Variants in SH3BGRL2 observed in about 807,000 individuals in gnomAD.
SH3BGRL2 encodes SH3 domain-binding glutamic acid-rich-like protein 2.
SH3BGRL2 carries 21 observed loss-of-function variants against 14.8 expected under a neutral mutation model. The observed-to-expected ratio is 1.42, with a 90% CI of 1.01 to 2.05. The LOEUF is 2.05. SH3BGRL2 is among the 30% of genes most tolerant of loss of function. The probability of loss-of-function intolerance (pLI) is 0.00; values close to 1 mark genes in which losing one functional copy is unlikely to be tolerated. For missense variants in SH3BGRL2, 147 were observed against 130.8 expected (o/e 1.12, Z -0.61); for synonymous variants, 50 against 47.8 (o/e 1.05, Z -0.19).
intron 1 of SH3BGRL2, among the ~76,000 whole-genome samples, chr6:79,636,710 A>T (rs1307123073): frequency 6.6e-6 from 1 of 151,954 alleles, no homozygotes; most frequent in Non-Finnish European, 1.5e-5. Flanking sequence ...TCTTTCTCCT[A>T]GTTTCTGGTG....
the SH3BGRL2 span, chr6:79,574,648 GC>G: frequency 6.6e-6 from 1 of 152,144 alleles, no homozygotes; most frequent in East Asian, 1.9e-4. Flanking sequence ...TTTACTTAAT[GC>G]CACTGAAATG....
the SH3BGRL2 span, among the ~76,000 whole-genome samples, chr6:79,555,540 C>T: frequency 2.0e-5 from 3 of 152,184 alleles, no homozygotes; most frequent in African/African-American, 7.2e-5. Flanking sequence ...GAGGCGGAGT[C>T]TCAATCTGTC....
chr6:79,616,978 G>A, the SH3BGRL2 span, among the ~76,000 whole-genome samples: 32,157 of 152,032 alleles, frequency 0.21, 3,623 homozygotes, highest in African/African-American at 0.24. Context: ...ACCTGAGGTC[G>A]GGAGTTTGAG....
the SH3BGRL2 span, among the ~76,000 whole-genome samples, chr6:79,567,984 T>C: frequency 6.6e-6 from 1 of 152,200 alleles, no homozygotes; most frequent in Non-Finnish European, 1.5e-5. Flanking sequence ...CATAAAAAGA[T>C]GTCCAACCTC....
chr6:79,654,898 G>A (rs888791226), intron 1 of SH3BGRL2, among the ~76,000 whole-genome samples: 1 of 152,154 alleles, frequency 6.6e-6, no homozygotes, highest in African/African-American at 2.4e-5. Flanking sequence ...GAACACTGTG[G>A]CAGTTCTTCC....
intron 1 of SH3BGRL2, among the ~76,000 whole-genome samples, chr6:79,638,769 C>T (rs2127723175): frequency 1.3e-5 from 2 of 152,230 alleles, no homozygotes; most frequent in East Asian, 3.9e-4. Context: ...CTGTTTAGAT[C>T]ACTTATCCAA....
chr6:79,592,783 C>T, the SH3BGRL2 span, among the ~76,000 whole-genome samples: 10 of 152,090 alleles, frequency 6.6e-5, no homozygotes, highest in East Asian at 1.9e-4. Flanking sequence ...ACTTACCACA[C>T]GTGTATGAGG....
chr6:79,651,977 G>A (rs969474117), intron 1 of SH3BGRL2, among the ~76,000 whole-genome samples: 1 of 152,130 alleles, frequency 6.6e-6, no homozygotes, highest in African/African-American at 2.4e-5. Context: ...ACTTATAGGT[G>A]CCAGTAGTAT....
At chr6:79,658,877 T>C (rs771331770) in intron 1 of SH3BGRL2, among the ~76,000 whole-genome samples, 1 of 152,368 alleles carries the variant, frequency 6.6e-6, no homozygotes, top group East Asian at 1.9e-4. Flanking sequence ...TTGATTTGCA[T>C]TTCTCTGACG....
upstream of SH3BGRL2, among the ~76,000 whole-genome samples, chr6:79,627,770 T>C (rs1768760077): frequency 6.6e-6 from 1 of 152,184 alleles, no homozygotes; most frequent in African/African-American, 2.4e-5. Flanking sequence ...CTCCTTCTTG[T>C]CTCTTTCCAT....
the SH3BGRL2 span, among the ~76,000 whole-genome samples, chr6:79,560,125 C>T: frequency 6.6e-6 from 1 of 152,110 alleles, no homozygotes; most frequent in East Asian, 1.9e-4. Flanking sequence ...ATACACCATT[C>T]TGGGAAACTG....
chr6:79,571,690 C>G, the SH3BGRL2 span, among the ~76,000 whole-genome samples: 2 of 152,064 alleles, frequency 1.3e-5, no homozygotes, highest in East Asian at 3.9e-4. Flanking sequence ...GTCCCTTTAC[C>G]TTCATGGCAT....
chr6:79,656,875 G>A (rs1383796821), intron 1 of SH3BGRL2, among the ~76,000 whole-genome samples: 1 of 152,160 alleles, frequency 6.6e-6, no homozygotes, highest in Non-Finnish European at 1.5e-5. Flanking sequence ...AAATATGAAT[G>A]TGTGTGCACA....
At position 79,652,043 on chromosome 6, in the gene SH3BGRL2, A is replaced by G. The variant is rs549276453; in HGVS notation, c.45+20537A>G. On this transcript the variant is annotated intron_variant, in intron 1 of 3. Transcript: ENST00000369838. ...CCAAAAATGTCTTCAGACATTGCCA[A>G]ATGTCCCCCAGGAGGGCAAAATCAC... Among the ~76,000 whole-genome samples, 6 of 152,148 alleles carry G rather than the reference A, an allele frequency of 3.9e-5. 1 individual carries two copies. Among genetic ancestry groups the G allele is most frequent in the Admixed American group, 2.0e-4 (3 of 15,268 alleles).
At chr6:79,606,333 A>G in the SH3BGRL2 span, among the ~76,000 whole-genome samples, 1 of 152,244 alleles carries the variant, frequency 6.6e-6, no homozygotes, top group Non-Finnish European at 1.5e-5. Context: ...ACACACCTAT[A>G]GCTACCTTCT....
At position 79,696,503 on chromosome 6, in the gene SH3BGRL2, G is replaced by T; in HGVS notation, c.250G>T (p.Glu84Ter). 2.5e-6 allele frequency: 4 copies of T among 1,581,528 alleles called. No homozygotes were observed. Among genetic ancestry groups the T allele is most frequent in the Non-Finnish European group, 3.4e-6 (4 of 1,171,136 alleles). ...RYCGDYDSFFESKESNTVFSF... is the reference protein window; with the variant it reads ...RYCGDYDSFF ...TTTCTAGGATTATGACAGTTTTTTT[G>T]AATCCAAGGAAAGCAACACAGTCTT... Residue 84 changes from glutamate to a stop codon, truncating the protein, a stop_gained, in exon 3 of 4, where the codon GAA becomes TAA. Transcript: ENST00000369838. LOFTEE classifies it high-confidence loss of function.
chr6:79,661,097 A>AT (rs1769537358), intron 1 of SH3BGRL2, among the ~76,000 whole-genome samples: 7 of 152,024 alleles, frequency 4.6e-5, no homozygotes, highest in Non-Finnish European at 4.4e-5. Context: ...GGATTCATTG[A>AT]TTTTTTGAAG....
intron 1 of SH3BGRL2, among the ~76,000 whole-genome samples, chr6:79,642,701 G>C (rs1289255028): frequency 1.3e-5 from 2 of 152,174 alleles, no homozygotes; most frequent in Non-Finnish European, 2.9e-5. Context: ...AATATGTTGA[G>C]TCTGTGAGTA....
chr6:79,578,495 C>A, the SH3BGRL2 span, among the ~76,000 whole-genome samples: 1 of 152,138 alleles, frequency 6.6e-6, no homozygotes, highest in Admixed American at 6.5e-5. Context: ...GCTGGTGATA[C>A]CCAGGAAAAC....
Sources: allele counts gnomAD v4.1 joint callset (sites outside exome capture counted in the v4.1 genomes callset), GRCh38; gene constraint gnomAD v4.1.1; transcripts MANE v1.5; gene names NCBI Gene and HGNC (gene_info 2026-07-23, HGNC 2026-07-21).